Variants in ROBO1 observed in about 807,000 individuals in gnomAD.
The protein encoded by ROBO1 is roundabout guidance receptor 1, also known as roundabout homolog 1.
In ROBO1, 149 loss-of-function variants were observed where a neutral mutation model predicts 195.9. The ratio of observed to expected loss-of-function variants is 0.76; its 90% confidence interval spans 0.67 to 0.87. ROBO1 has a LOEUF of 0.87. Among genes scored for constraint, ROBO1 ranks in the 40% least tolerant of loss-of-function variants. ROBO1 has a pLI of 0.00. For missense variants in ROBO1, 1,933 were observed against 2,068.3 expected, an observed-to-expected ratio of 0.93 and a Z score of 1.27; for synonymous variants, 816 against 733.2, an observed-to-expected ratio of 1.11 and a Z score of -1.82.
At chr3:78,984,121 T>C (rs2077054601) in intron 3 of ROBO1, among the ~76,000 whole-genome samples, 1 of 152,214 alleles carries the variant, frequency 6.6e-6, no homozygotes, top group Admixed American at 6.5e-5. Context: ...CACTGCTCTA[T>C]GCTATATTAA....
At chr3:79,117,277 G>C (rs1451679957) in intron 3 of ROBO1, among the ~76,000 whole-genome samples, 1 of 152,070 alleles carries the variant, frequency 6.6e-6, no homozygotes, top group Non-Finnish European at 1.5e-5. Context: ...GGATGAGGCA[G>C]GAAAATTGCT....
chr3:78,831,830 G>A (rs947931732), intron 4 of ROBO1, among the ~76,000 whole-genome samples: 7 of 152,144 alleles, frequency 4.6e-5, no homozygotes, highest in Non-Finnish European at 1.0e-4. Flanking sequence ...GGTGTACAGG[G>A]AACTCCCCTT....
At chr3:78,973,970 A>G (rs1357797154) in intron 3 of ROBO1, among the ~76,000 whole-genome samples, 2 of 152,164 alleles carry the variant, frequency 1.3e-5, no homozygotes, top group Non-Finnish European at 2.9e-5. Context: ...TTGGTCTAGC[A>G]GAAAGTTATA....
chr3:79,365,521 A>G (rs1317662455), intron 2 of ROBO1, among the ~76,000 whole-genome samples: 2 of 152,166 alleles, frequency 1.3e-5, no homozygotes, highest in Admixed American at 6.5e-5. Flanking sequence ...AAGTCCTCAC[A>G]TGAAAGTGCT....
chr3:78,805,001 A>G (rs866886361), intron 4 of ROBO1, among the ~76,000 whole-genome samples: 1 of 152,052 alleles, frequency 6.6e-6, no homozygotes, highest in African/African-American at 2.4e-5. Flanking sequence ...GTTCCTTTAT[A>G]TGGCTTCCTG....
intron 3 of ROBO1, among the ~76,000 whole-genome samples, chr3:78,943,142 G>T (rs190636734): frequency 1.3e-5 from 2 of 151,948 alleles, no homozygotes; most frequent in Non-Finnish European, 2.9e-5. Flanking sequence ...CGTGAACCTG[G>T]GAGGCGGAGC....
chr3:78,882,046 T>A (rs753762853), intron 4 of ROBO1, among the ~76,000 whole-genome samples: 85 of 152,150 alleles, frequency 5.6e-4, no homozygotes, highest in Non-Finnish European at 3.7e-4. Flanking sequence ...TCCATTTTTT[T>A]AAAAAGCTAA....
At chr3:78,950,372 G>C (rs1204012283) in intron 3 of ROBO1, among the ~76,000 whole-genome samples, 1 of 151,892 alleles carries the variant, frequency 6.6e-6, no homozygotes, top group Admixed American at 6.6e-5. Flanking sequence ...GGACATGGAT[G>C]AAACTGGAAA....
chr3:78,651,812 A>C lies in ROBO1; in HGVS notation c.2732T>G (p.Leu911Arg). The C allele has an allele frequency of 6.2e-7, 1 of 1,613,818 alleles. No individual in the cohort carries two copies. Among genetic ancestry groups the C allele is most frequent in the Non-Finnish European group, 8.5e-7 (1 of 1,179,748 alleles). Residue 911 changes from leucine to arginine, a missense_variant, in exon 19 of 31, where the codon CTC becomes CGC. Leu to Arg is a moderately radical substitution (Grantham distance 102, BLOSUM62 -2). Coordinates refer to ENST00000464233, the MANE Select transcript of ROBO1 (RefSeq NM_002941.4). ...ATAAAGCCAGATGCTGAAGACCATG[A>C]GGATGATCCAACAGGCTGCTCCAAT... is the stretch of plus-strand genomic sequence containing the variant. ...AGIGAACWII[L>R]MVFSIWLYRH...
Position 78,634,389 on chromosome 3 carries a change from A to C in ROBO1, c.3374-347T>G, listed in dbSNP as rs185589176. ...AAAAATATATCTATGATTAAAAAAA[A>C]CAAATATCTTAATTTGCCCCAGAAA... On this transcript the variant is annotated intron_variant, in intron 23 of 30. Coordinates refer to ENST00000464233, the MANE Select transcript of ROBO1 (RefSeq NM_002941.4). 706 of 209,862 alleles carry C rather than the reference A, an allele frequency of 3.4e-3. 4 individuals are homozygous for C. The highest frequency in any genetic ancestry group is 0.016 in the African/African-American group (663 of 42,758). The allele number at this position is 209,862 out of a possible 1,614,324, so 13.0% of individuals were successfully genotyped here.
At chr3:79,743,643 A>T (rs984340393) in intron 1 of ROBO1, among the ~76,000 whole-genome samples, 16 of 152,226 alleles carry the variant, frequency 1.1e-4, no homozygotes, top group Admixed American at 6.5e-5. Flanking sequence ...TTGTAACAAC[A>T]TTTAGCTTAA....
intron 30 of ROBO1, among the ~76,000 whole-genome samples, chr3:78,599,140 G>A (rs1703015317): frequency 6.6e-6 from 1 of 152,120 alleles, no homozygotes. Flanking sequence ...GTTCTGCACA[G>A]TGCCCCGGTG....
At chr3:78,919,808 C>T (rs765663497) in intron 4 of ROBO1, among the ~76,000 whole-genome samples, 139 of 152,302 alleles carry the variant, frequency 9.1e-4, no homozygotes, top group Non-Finnish European at 1.7e-3. Flanking sequence ...AGTTTACCTC[C>T]TTTTAGCCCA....
rs566241891 is a variant in ROBO1, at chr3:78,946,657, G to A, written c.173-7730C>T. 1.2e-3 allele frequency among the ~76,000 whole-genome samples: 181 copies of A among 152,214 alleles called. 4 individuals carry two copies. The highest frequency in any genetic ancestry group is 3.1e-3 in the Admixed American group (48 of 15,288). Reference sequence around the variant, plus strand: ...AGCTAACATCATAATGACAGGATCAGATTCACACATAACAATATTAACTTT... The same window carrying A: ...AGCTAACATCATAATGACAGGATCAAATTCACACATAACAATATTAACTTT... On this transcript the variant is annotated intron_variant, in intron 3 of 30. Coordinates refer to ENST00000464233, the MANE Select transcript of ROBO1 (RefSeq NM_002941.4).
intron 2 of ROBO1, among the ~76,000 whole-genome samples, chr3:79,576,468 G>T (rs1017868274): frequency 6.6e-6 from 1 of 151,818 alleles, no homozygotes; most frequent in Non-Finnish European, 1.5e-5. Flanking sequence ...CATTGTATTA[G>T]ATACTTTACA....
At chr3:79,075,027 A>G (rs2079149018) in intron 3 of ROBO1, among the ~76,000 whole-genome samples, 1 of 151,936 alleles carries the variant, frequency 6.6e-6, no homozygotes, top group African/African-American at 2.4e-5. Context: ...TGGAATAACT[A>G]TCCACAGAAA....
At chr3:79,111,778 G>C (rs927275698) in intron 3 of ROBO1, among the ~76,000 whole-genome samples, 1 of 152,144 alleles carries the variant, frequency 6.6e-6, no homozygotes, top group African/African-American at 2.4e-5. Context: ...CTGGATACAA[G>C]GGCTAGTTCA....
intron 2 of ROBO1, among the ~76,000 whole-genome samples, chr3:79,426,631 C>G (rs992355397): frequency 1.3e-5 from 2 of 152,056 alleles, no homozygotes; most frequent in East Asian, 1.9e-4. Context: ...GCCTTTCAAA[C>G]TTCTGGGATT....
chr3:78,859,032 C>T (rs1279445942), intron 4 of ROBO1, among the ~76,000 whole-genome samples: 1 of 152,060 alleles, frequency 6.6e-6, no homozygotes, highest in Non-Finnish European at 1.5e-5. Flanking sequence ...AATTCCACAA[C>T]TCTCTGTTGA....
Sources: gnomAD v4.1 joint callset for allele counts (sites outside exome capture counted in the v4.1 genomes callset) on GRCh38, gnomAD v4.1.1 for gene constraint, MANE v1.5 for transcripts, NCBI Gene and HGNC (gene_info 2026-07-23, HGNC 2026-07-21) for gene names.